Variants in PHF12 observed in about 807,000 individuals in gnomAD.
PHF12 encodes the protein PHD factor 1.
A neutral mutation model predicts 99.8 loss-of-function variants in PHF12; 6 were observed. The observed-to-expected ratio is 0.06, with a 90% CI of 0.03 to 0.12. The LOEUF is 0.12. Ranked by LOEUF, PHF12 falls within the 10% of genes least tolerant of loss-of-function variation. PHF12 has a pLI of 1.00. For synonymous variants in PHF12, 480 were observed against 514.9 expected (o/e 0.93, Z 0.92); for missense variants, 954 against 1,300.1 (o/e 0.73, Z 4.09).
chr17:28,942,829 G>A (rs2040644399), intron 2 of PHF12, among the ~76,000 whole-genome samples: 3 of 151,302 alleles, frequency 2.0e-5, no homozygotes, highest in African/African-American at 7.3e-5. Context: ...AAAATAATAA[G>A]TAAAATAAAA....
intron 2 of PHF12, among the ~76,000 whole-genome samples, chr17:28,932,178 C>T (rs1050491874): frequency 6.6e-6 from 1 of 152,118 alleles, no homozygotes; most frequent in African/African-American, 2.4e-5. Flanking sequence ...GTCACCCAGG[C>T]TGGAGTGCAG....
chr17:28,924,468 C>A, intron 3 of PHF12, 166 bp from the exon 4 acceptor site: 1 of 877,574 alleles, frequency 1.1e-6, no homozygotes, highest in East Asian at 2.6e-5. Flanking sequence ...GTTGACACAA[C>A]TCTAACTGAA....
chr17:28,950,742 T>C lies in PHF12; in HGVS notation c.66+153A>G, dbSNP rs573340068. ...TCCTCGGAGGCTGAGCTCAGCCCCCTAAATTGCAAAGAGGGGAGGGAGAGG... is the reference window on the plus strand; with the variant it reads ...TCCTCGGAGGCTGAGCTCAGCCCCCCAAATTGCAAAGAGGGGAGGGAGAGG... On this transcript the variant is annotated intron_variant, in intron 1 of 14. Coordinates refer to ENST00000332830, the MANE Select transcript of PHF12 (RefSeq NM_001033561.2). This position sits in a 1 kb window ranked among gnomAD's most constrained non-coding sequence, Gnocchi z 5.7. 3.8e-5 allele frequency: 44 copies of C among 1,148,908 alleles called. 1 individual carries two copies. In the South Asian group the frequency reaches 7.2e-4, roughly 19 times the overall value. 71.2% of individuals were successfully genotyped at this position (1,148,908 alleles called of 1,614,324 possible).
chr17:28,930,397 G>GT (rs2040374477), intron 2 of PHF12, among the ~76,000 whole-genome samples: 1 of 152,080 alleles, frequency 6.6e-6, no homozygotes, highest in Non-Finnish European at 1.5e-5. Context: ...CTGGCATGTA[G>GT]TAAGTACTCA....
chr17:28,936,123 T>C (rs2040504377), intron 2 of PHF12, among the ~76,000 whole-genome samples: 1 of 152,228 alleles, frequency 6.6e-6, no homozygotes, highest in Admixed American at 6.5e-5. Context: ...GAGGATCTAT[T>C]TCAAGTCATA....
chr17:28,950,913 T>A lies in PHF12; in HGVS notation c.48A>T (p.Thr16=). 1 of 1,613,952 alleles carries A rather than the reference T, an allele frequency of 6.2e-7. No individual in the cohort carries two copies. Among genetic ancestry groups the A allele is most frequent in the Non-Finnish European group, 8.5e-7 (1 of 1,179,908 alleles). The change falls in exon 1 of 15, where the codon ACA becomes ACT. Residue 16 remains threonine, a synonymous_variant. Coordinates refer to ENST00000332830, the MANE Select transcript of PHF12 (RefSeq NM_001033561.2). The surrounding 1 kb of genome is among the most constrained non-coding windows in gnomAD (Gnocchi z 5.7). Reference sequence around the variant, plus strand: ...CTCTTACCTCCATCAGCCCCCCTGATGTGTCCAAGTCGTACACGATCGTCT... The same window carrying A: ...CTCTTACCTCCATCAGCCCCCCTGAAGTGTCCAAGTCGTACACGATCGTCT... ...ETKTIVYDLD[T]SGGLMEQIQA...
chr17:28,929,724 C>T (rs1194192755), intron 2 of PHF12: 4 of 152,168 alleles, frequency 2.6e-5, no homozygotes, highest in Non-Finnish European at 5.9e-5. Context: ...TTAGTGAAAT[C>T]TCAGGAGGAT....
chr17:28,935,207 G>T (rs1385024802), intron 2 of PHF12, among the ~76,000 whole-genome samples: 1 of 152,190 alleles, frequency 6.6e-6, no homozygotes, highest in Non-Finnish European at 1.5e-5. Context: ...AAAGGCCCTG[G>T]CCTACAATTC....
Position 28,951,158 on chromosome 17 carries a change from G to A in PHF12, c.-198C>T, listed in dbSNP as rs529738083. The A allele has an allele frequency of 7.0e-6, 10 of 1,424,268 alleles. No homozygotes were observed. Among genetic ancestry groups the A allele is most frequent in the South Asian group, 3.0e-5 (2 of 67,512 alleles). The allele number at this position is 1,424,268 out of a possible 1,614,324, so 88.2% of individuals were successfully genotyped here. A position where few individuals can be genotyped will look rare whatever the true frequency, so the allele number is the denominator to read the frequency against. On this transcript the variant is annotated 5_prime_UTR_variant, in exon 1 of 15. Coordinates refer to ENST00000332830, the MANE Select transcript of PHF12 (RefSeq NM_001033561.2). ...ACAGCGTCCTCCCGACGGGCCGCGA[G>A]GGGGGAGCGGCCCCTCAGTCCCGGC... is the stretch of plus-strand genomic sequence containing the variant.
chr17:28,928,796 A>AC (rs960602259), intron 2 of PHF12, among the ~76,000 whole-genome samples: 3 of 151,584 alleles, frequency 2.0e-5, no homozygotes, highest in Non-Finnish European at 4.4e-5. Flanking sequence ...AAACAAACAA[A>AC]CAAACCAAAC....
intron 2 of PHF12, among the ~76,000 whole-genome samples, chr17:28,942,950 G>T (rs1304512305): frequency 6.6e-6 from 1 of 151,912 alleles, no homozygotes; most frequent in Admixed American, 6.6e-5. Flanking sequence ...AACATATAAA[G>T]AACTCTCATA....
chr17:28,950,236 G>A lies in PHF12; in HGVS notation c.77C>T (p.Ala26Val). 6.2e-7 allele frequency: 1 copy of A among 1,608,732 alleles called. No homozygotes were observed. The highest frequency in any genetic ancestry group is 8.5e-7 in the Non-Finnish European group (1 of 1,179,784). ...GTCCGTCTTGGGGGGAGCCAGCAGAGCTTGGATTTGCTGCACACACATACA... is the reference window on the plus strand; with the variant it reads ...GTCCGTCTTGGGGGGAGCCAGCAGAACTTGGATTTGCTGCACACACATACA... ...TSGGLMEQIQ[A>V]LLAPPKTDEA... The change falls in exon 2 of 15, where the codon GCT becomes GTT. Residue 26 changes from alanine (A) to valine (V), a missense_variant. This residue lies in a region of PHF12 where 66 missense variants were observed against 69.4 expected (regional missense o/e 0.95). Transcript: ENST00000332830. The surrounding 1 kb of genome is among the most constrained non-coding windows in gnomAD (Gnocchi z 5.7).
intron 2 of PHF12, among the ~76,000 whole-genome samples, chr17:28,939,976 G>T (rs935947893): frequency 6.6e-6 from 1 of 152,192 alleles, no homozygotes; most frequent in Non-Finnish European, 1.5e-5. Context: ...AAAGACTGAC[G>T]CTACATTCAG....
At chr17:28,929,778 G>T (rs1243998927) in intron 2 of PHF12, 2 of 152,118 alleles carry the variant, frequency 1.3e-5, no homozygotes, top group Non-Finnish European at 2.9e-5. Flanking sequence ...GGCCTGCTGG[G>T]ACAGATCTCC....
chr17:28,929,392 G>A (rs1413071679), intron 2 of PHF12, among the ~76,000 whole-genome samples: 1 of 151,798 alleles, frequency 6.6e-6, no homozygotes, highest in Non-Finnish European at 1.5e-5. Context: ...ACAAGCATGC[G>A]CCACCATGCC....
rs1491183033 is a variant in PHF12, at chr17:28,923,651, C to CAAAAAAAAAAAAAAAAAAAAAAA, written c.715+257_715+258insTTTTTTTTTTTTTTTTTTTTTTT. Among the ~76,000 whole-genome samples, 60 of 21,964 alleles carry CAAAAAAAAAAAAAAAAAAAAAAA rather than the reference C, an allele frequency of 2.7e-3. 2 individuals are homozygous for CAAAAAAAAAAAAAAAAAAAAAAA. The highest frequency in any genetic ancestry group is 5.5e-3 in the African/African-American group (24 of 4,342). The allele number at this position is 21,964 out of a possible 152,430, so 14.4% of individuals were successfully genotyped here. On this transcript the variant is annotated intron_variant, in intron 4 of 14. Coordinates refer to ENST00000332830, the MANE Select transcript of PHF12 (RefSeq NM_001033561.2). ...CTAGCCTGAGTGACAAAGTGAGACTCACAAAAAAAAAAAAAAAAAAAAAAG... is the reference window on the plus strand; with the variant it reads ...CTAGCCTGAGTGACAAAGTGAGACTCAAAAAAAAAAAAAAAAAAAAAAAACAAAAAAAAAAAAAAAAAAAAAAG...
At chr17:28,942,227 C>A (rs1017769864) in intron 2 of PHF12, among the ~76,000 whole-genome samples, 13 of 152,084 alleles carry the variant, frequency 8.5e-5, no homozygotes, top group African/African-American at 2.9e-4. Context: ...TTAAAGTGTG[C>A]TTAAATCAAC....
chr17:28,912,896 A>G lies in PHF12; in HGVS notation c.1675T>C (p.Ser559Pro). Residue 559 changes from serine to proline, a missense_variant, in exon 9 of 15, where the codon TCC becomes CCC. Physicochemically the swap from Ser to Pro is moderately conservative, Grantham distance 74. Around this residue, in one of 8 missense-constraint regions of PHF12, gnomAD observed 392 missense variants for 423.1 expected, o/e 0.93. Transcript: ENST00000332830. ...CCTGGAAGTCGCCGGGGGTCCGTGG[A>G]ATCAGTAGGGCTGCTGTAGAGGTGT... is the stretch of plus-strand genomic sequence containing the variant. The part of the protein sequence containing the change: ...GPHLYSSPTD[S>P]TDPRRLPGAN... The G allele has an allele frequency of 6.2e-7, 1 of 1,613,552 alleles. No homozygotes were observed. The highest frequency in any genetic ancestry group is 8.5e-7 in the Non-Finnish European group (1 of 1,179,532).
chr17:28,912,924 G>A lies in PHF12; in HGVS notation c.1647C>T (p.Gly549=), dbSNP rs778936493. Reference sequence around the variant, plus strand: ...CAGTAGGGCTGCTGTAGAGGTGTGGGCCATTAGCTTTCACCTCTGTGTTCA... The same window carrying A: ...CAGTAGGGCTGCTGTAGAGGTGTGGACCATTAGCTTTCACCTCTGTGTTCA... ...GPVNTEVKAN[G]PHLYSSPTDS... Residue 549 remains glycine, a synonymous_variant, in exon 9 of 15, where the codon GGC becomes GGT. Transcript: ENST00000332830. 3 of 1,614,228 alleles carry A rather than the reference G, an allele frequency of 1.9e-6. No individual in the cohort carries two copies. The highest frequency in any genetic ancestry group is 2.2e-5 in the East Asian group (1 of 44,880).
Sources: gnomAD v4.1 joint callset for allele counts (sites outside exome capture counted in the v4.1 genomes callset) on GRCh38, gnomAD v4.1.1 for gene constraint, gnomAD v4.1.1 regional missense constraint, Gnocchi (gnomAD v3.1) non-coding constraint, MANE v1.5 for transcripts, NCBI Gene and HGNC (gene_info 2026-07-23, HGNC 2026-07-21) for gene names.